The following DCAF8L2 variants were observed in gnomAD, a reference collection of about 807,000 sequenced individuals.
DCAF8L2 encodes the protein DDB1- and CUL4-associated factor 8-like protein 2.
For synonymous variants in DCAF8L2, 200 were observed against 190.9 expected (o/e 1.05, Z -0.39); for missense variants, 430 against 490.7 (o/e 0.88, Z 1.17).
the DCAF8L2 span, among the ~76,000 whole-genome samples, chrX:27,530,719 G>A: frequency 1.8e-5 from 2 of 111,863 alleles, no homozygotes; most frequent in African/African-American, 3.3e-5. Flanking sequence ...CCTGCTGTCC[G>A]CCTTACAGGT....
upstream of DCAF8L2, among the ~76,000 whole-genome samples, chrX:27,586,166 C>G (rs1255947996): frequency 2.7e-5 from 3 of 110,647 alleles, no homozygotes; most frequent in African/African-American, 9.9e-5. Context: ...CTTATTTCAC[C>G]CCCCACTCCA....
intron 4 of DCAF8L2, among the ~76,000 whole-genome samples, chrX:27,741,891 T>C (rs1438876327): frequency 2.7e-5 from 3 of 112,289 alleles, no homozygotes; most frequent in Non-Finnish European, 5.6e-5. Context: ...TTCTTGTATT[T>C]AAACAGAAAA....
chrX:27,556,957 C>T, the DCAF8L2 span, among the ~76,000 whole-genome samples: 3 of 112,009 alleles, frequency 2.7e-5, no homozygotes, highest in Admixed American at 1.9e-4. Context: ...CTAAATAACA[C>T]CTAAATATAT....
chrX:27,499,880 A>G, the DCAF8L2 span, among the ~76,000 whole-genome samples: 1 of 111,213 alleles, frequency 9.0e-6, no homozygotes, highest in African/African-American at 3.3e-5. Context: ...CTTATTAGAT[A>G]TATGCTTTGC....
chrX:27,628,555 G>A (rs67330542), intron 1 of DCAF8L2, among the ~76,000 whole-genome samples: 19,386 of 108,720 alleles, frequency 0.18, 1,430 homozygotes, highest in East Asian at 0.4. Flanking sequence ...CCAACAGTGT[G>A]TAATGGTTCT....
chrX:27,499,448 G>T, the DCAF8L2 span, among the ~76,000 whole-genome samples: 2 of 112,045 alleles, frequency 1.8e-5, no homozygotes, highest in Non-Finnish European at 1.9e-5. Flanking sequence ...AGTTGTATAA[G>T]TTCCTTGTAT....
chrX:27,558,072 T>TGATGCAGATCCTCACTCTGACAC, the DCAF8L2 span, among the ~76,000 whole-genome samples: 1 of 111,481 alleles, frequency 9.0e-6, no homozygotes, highest in African/African-American at 3.3e-5. Context: ...TGCACTGGCA[T>TGATGCAGATCCTCACTCTGACAC]GACGCAGATC....
chrX:27,633,051 T>A (rs1221895171), intron 2 of DCAF8L2: 1 of 112,251 alleles, frequency 8.9e-6, no homozygotes, highest in Non-Finnish European at 1.9e-5. Context: ...AAAGTGTATA[T>A]GTATGCATAT....
At chrX:27,499,159 T>C in the DCAF8L2 span, among the ~76,000 whole-genome samples, 3 of 112,488 alleles carry the variant, frequency 2.7e-5, no homozygotes, top group Non-Finnish European at 5.6e-5. Flanking sequence ...CTGTTCTCCA[T>C]AGAGGCTGCA....
At chrX:27,538,028 T>C in the DCAF8L2 span, among the ~76,000 whole-genome samples, 1 of 111,423 alleles carries the variant, frequency 9.0e-6, no homozygotes, top group Non-Finnish European at 1.9e-5. Flanking sequence ...GAAACAGATG[T>C]TTTGTGTGAT....
intron 3 of DCAF8L2, among the ~76,000 whole-genome samples, chrX:27,687,250 T>C (rs1012628315): frequency 8.0e-5 from 9 of 112,462 alleles, no homozygotes; most frequent in Non-Finnish European, 1.5e-4. Context: ...AAAATGACTG[T>C]ATAAATGAAG....
At chrX:27,732,360 C>T (rs936946018) in intron 4 of DCAF8L2, among the ~76,000 whole-genome samples, 2 of 110,881 alleles carry the variant, frequency 1.8e-5, no homozygotes, top group African/African-American at 6.6e-5. Flanking sequence ...TGCATATCCA[C>T]GAGATCATGC....
chrX:27,628,226 C>A (rs897774759), intron 1 of DCAF8L2, among the ~76,000 whole-genome samples: 1 of 111,345 alleles, frequency 9.0e-6, no homozygotes, highest in African/African-American at 3.3e-5. Flanking sequence ...GCATATTGTC[C>A]TTTCATTTCC....
the DCAF8L2 span, among the ~76,000 whole-genome samples, chrX:27,499,768 A>T: frequency 9.0e-6 from 1 of 110,635 alleles, no homozygotes. Flanking sequence ...CTCCCCCATG[A>T]TCCAATCATG....
chrX:27,670,322 T>C (rs1161431112), intron 2 of DCAF8L2, among the ~76,000 whole-genome samples: 1 of 111,452 alleles, frequency 9.0e-6, no homozygotes, highest in African/African-American at 3.3e-5. Flanking sequence ...GCTTATTGAC[T>C]GGACTATCTG....
At chrX:27,741,062 G>A (rs1195772122) in intron 4 of DCAF8L2, among the ~76,000 whole-genome samples, 1 of 111,690 alleles carries the variant, frequency 9.0e-6, no homozygotes, top group Non-Finnish European at 1.9e-5. Flanking sequence ...AAAGTGAATC[G>A]ATGATATGTA....
At chrX:27,659,742 T>G (rs1383767970) in intron 2 of DCAF8L2, among the ~76,000 whole-genome samples, 1 of 111,416 alleles carries the variant, frequency 9.0e-6, no homozygotes, top group African/African-American at 3.3e-5. Flanking sequence ...TAAATTTCAT[T>G]CACTGAATTC....
the DCAF8L2 span, among the ~76,000 whole-genome samples, chrX:27,577,963 G>A: frequency 1.1e-4 from 12 of 111,490 alleles, no homozygotes; most frequent in African/African-American, 3.6e-4. Flanking sequence ...TCATGAAAAT[G>A]GTCATACTGC....
chrX:27,560,992 A>G, the DCAF8L2 span, among the ~76,000 whole-genome samples: 30 of 112,240 alleles, frequency 2.7e-4, no homozygotes, highest in African/African-American at 8.1e-4. Context: ...AGTTCTTTTC[A>G]AAGCTGGCAG....
Sources: gnomAD v4.1 joint callset for allele counts (sites outside exome capture counted in the v4.1 genomes callset) on GRCh38, gnomAD v4.1.1 for gene constraint, MANE v1.5 for transcripts, NCBI Gene and HGNC (gene_info 2026-07-23, HGNC 2026-07-21) for gene names.